IQCJ: variants seen among roughly 807,000 people sequenced by gnomAD.
IQCJ encodes IQ motif containing J, also known as IQ domain-containing protein J.
Under a neutral mutation model 11.0 loss-of-function variants are expected in IQCJ, and 9 were observed. The ratio of observed to expected loss-of-function variants is 0.82; its 90% CI spans 0.49 to 1.43. The LOEUF is 1.43. IQCJ is among the 40% of genes most tolerant of loss of function. IQCJ has a pLI of 0.00. For missense variants in IQCJ, 146 were observed against 133.2 expected (o/e 1.10, Z -0.47); for synonymous variants, 55 against 51.3 (o/e 1.07, Z -0.31).
At chr3:159,214,282 A>C (rs1481313119) in intron 1 of IQCJ, among the ~76,000 whole-genome samples, 2 of 152,058 alleles carry the variant, frequency 1.3e-5, no homozygotes, top group Admixed American at 6.6e-5. Flanking sequence ...TATTATAGAC[A>C]ACTCTCCCTT....
At chr3:159,258,483 G>A (rs1005954737) in intron 3 of IQCJ, among the ~76,000 whole-genome samples, 4 of 152,054 alleles carry the variant, frequency 2.6e-5, no homozygotes, top group Admixed American at 6.6e-5. Flanking sequence ...TATTGGGCAC[G>A]CAAAATCTAC....
At chr3:159,150,950 T>A (rs1423941477) in intron 1 of IQCJ, among the ~76,000 whole-genome samples, 1 of 152,160 alleles carries the variant, frequency 6.6e-6, no homozygotes, top group Non-Finnish European at 1.5e-5. Context: ...GCCCGTGCCA[T>A]CCCCTGGTCC....
At chr3:159,095,364 T>A (rs953418565) in intron 1 of IQCJ, among the ~76,000 whole-genome samples, 1 of 151,414 alleles carries the variant, frequency 6.6e-6, no homozygotes, top group Non-Finnish European at 1.5e-5. Flanking sequence ...TTTTATTTTA[T>A]TTTATTTTTT....
chr3:159,102,864 C>T (rs575229202), intron 1 of IQCJ, among the ~76,000 whole-genome samples: 26 of 152,266 alleles, frequency 1.7e-4, no homozygotes, highest in African/African-American at 6.3e-4. Context: ...TCTCCAACTT[C>T]CCCACTCAGA....
intron 1 of IQCJ, among the ~76,000 whole-genome samples, chr3:159,201,197 A>T (rs1196069308): frequency 2.6e-5 from 4 of 152,220 alleles, no homozygotes; most frequent in Non-Finnish European, 5.9e-5. Flanking sequence ...TAGGCTGATT[A>T]CATTTAATAA....
At chr3:159,170,438 G>A (rs1007870678) in intron 1 of IQCJ, among the ~76,000 whole-genome samples, 1 of 152,110 alleles carries the variant, frequency 6.6e-6, no homozygotes, top group African/African-American at 2.4e-5. Context: ...GTCTAATTGG[G>A]GCAGTTCTAA....
chr3:159,213,423 T>C (rs2108097528), intron 1 of IQCJ, among the ~76,000 whole-genome samples: 1 of 152,330 alleles, frequency 6.6e-6, no homozygotes. Flanking sequence ...CTCATTTCTG[T>C]TTCCAGAGAT....
intron 1 of IQCJ, among the ~76,000 whole-genome samples, chr3:159,125,087 G>A (rs749230882): frequency 5.9e-5 from 9 of 152,164 alleles, no homozygotes; most frequent in Admixed American, 1.3e-4. Flanking sequence ...ATAGTAATTT[G>A]ATAGTGTAGA....
intron 2 of IQCJ, 61 bp downstream of exon 2, chr3:159,245,968 ATCTT>A: frequency 7.7e-7 from 1 of 1,295,274 alleles, no homozygotes; most frequent in Non-Finnish European, 1.1e-6. Context: ...TAAAAAGAAA[ATCTT>A]TCTGGTAAAA....
At chr3:159,228,842 A>G (rs1726018512) in intron 1 of IQCJ, among the ~76,000 whole-genome samples, 2 of 152,134 alleles carry the variant, frequency 1.3e-5, no homozygotes, top group South Asian at 4.1e-4. Context: ...CATAAACCTA[A>G]TATTTTCCCT....
intron 3 of IQCJ, among the ~76,000 whole-genome samples, chr3:159,262,109 C>T (rs1280455881): frequency 6.6e-6 from 1 of 152,240 alleles, no homozygotes. Flanking sequence ...TCAGAGTCTA[C>T]AGCTGACCCT....
chr3:159,115,129 T>G (rs1330985611), intron 1 of IQCJ, among the ~76,000 whole-genome samples: 2 of 152,190 alleles, frequency 1.3e-5, no homozygotes, highest in Non-Finnish European at 2.9e-5. Context: ...AGTAGGAAAG[T>G]TGCTTGTTGA....
intron 1 of IQCJ, among the ~76,000 whole-genome samples, chr3:159,196,554 C>G (rs1366833762): frequency 6.6e-6 from 1 of 152,202 alleles, no homozygotes; most frequent in Non-Finnish European, 1.5e-5. Context: ...CATTTGAGAA[C>G]TGATGTTCTG....
intron 1 of IQCJ, among the ~76,000 whole-genome samples, chr3:159,095,642 A>G: frequency 1.4e-5 from 1 of 70,368 alleles, no homozygotes; most frequent in Admixed American, 1.8e-4. Context: ...GCGATAGTTT[A>G]CTGAGAATGA....
intron 3 of IQCJ, among the ~76,000 whole-genome samples, chr3:159,253,064 T>A (rs1260637445): frequency 6.6e-6 from 1 of 152,190 alleles, no homozygotes; most frequent in African/African-American, 2.4e-5. Context: ...AGTACAATCC[T>A]TTAACTTCCA....
chr3:159,103,922 A>T (rs944237501), intron 1 of IQCJ, among the ~76,000 whole-genome samples: 5 of 152,252 alleles, frequency 3.3e-5, no homozygotes, highest in Non-Finnish European at 7.3e-5. Context: ...TGTATATTCA[A>T]ATTGCATACA....
chr3:159,158,995 A>C (rs1265447328), intron 1 of IQCJ, among the ~76,000 whole-genome samples: 1 of 152,212 alleles, frequency 6.6e-6, no homozygotes, highest in Non-Finnish European at 1.5e-5. Context: ...CATGGGAAGC[A>C]CTGGGATTGG....
chr3:159,127,840 T>A (rs988071421), intron 1 of IQCJ, among the ~76,000 whole-genome samples: 8 of 152,126 alleles, frequency 5.3e-5, no homozygotes, highest in Non-Finnish European at 1.5e-5. Context: ...TGCCTTTGGG[T>A]TTTTTTGTAC....
chr3:159,094,127 G>T (rs1203117259), intron 1 of IQCJ, among the ~76,000 whole-genome samples: 1 of 151,706 alleles, frequency 6.6e-6, no homozygotes, highest in Non-Finnish European at 1.5e-5. Context: ...CAAAATCTAT[G>T]CTCCTAGCCA....
Sources: allele counts gnomAD v4.1 joint callset (sites outside exome capture counted in the v4.1 genomes callset), GRCh38; gene constraint gnomAD v4.1.1; transcripts MANE v1.5; gene names NCBI Gene and HGNC (gene_info 2026-07-23, HGNC 2026-07-21).